The following TYW1 variants were observed in gnomAD, a reference collection of about 807,000 sequenced individuals.
TYW1 encodes the protein S-adenosyl-L-methionine-dependent tRNA 4-demethylwyosine synthase TYW1.
In TYW1, 46 loss-of-function variants were observed where a neutral mutation model predicts 96.2. That is an observed-to-expected ratio of 0.48 (90% CI 0.38 to 0.61). TYW1 has a LOEUF of 0.61. Among genes scored for constraint, TYW1 ranks in the 20% least tolerant of loss-of-function variants. The pLI is 0.00. For synonymous variants in TYW1, 274 were observed against 323.0 expected, an observed-to-expected ratio of 0.85 and a Z score of 1.63; for missense variants, 684 against 909.6, an observed-to-expected ratio of 0.75 and a Z score of 3.19.
chr7:67,177,999 A>AG (rs386410327), intron 13 of TYW1, among the ~76,000 whole-genome samples: 3 of 131,172 alleles, frequency 2.3e-5, no homozygotes, highest in African/African-American at 9.5e-5. Context: ...ACAGAAAAAA[A>AG]AAAAGAAAAA....
At chr7:67,122,081 T>C (rs906085301) in intron 13 of TYW1, among the ~76,000 whole-genome samples, 21 of 151,978 alleles carry the variant, frequency 1.4e-4, no homozygotes, top group Non-Finnish European at 1.9e-4. Flanking sequence ...TGTGACCAGA[T>C]GTGTTTCTGC....
At chr7:67,044,244 G>A (rs79453891) in intron 7 of TYW1, among the ~76,000 whole-genome samples, 6,033 of 151,008 alleles carry the variant, frequency 0.04, 179 homozygotes, top group Middle Eastern at 0.1. Flanking sequence ...GACCACAAGC[G>A]CATGCCACCA....
chr7:67,087,103 G>A (rs1203561915), intron 11 of TYW1, among the ~76,000 whole-genome samples: 1 of 152,204 alleles, frequency 6.6e-6, no homozygotes, highest in Non-Finnish European at 1.5e-5. Context: ...ATGACGATCT[G>A]AGTTTGGATA....
At chr7:67,236,417 A>C (rs1213544672) in intron 15 of TYW1, among the ~76,000 whole-genome samples, 1 of 152,238 alleles carries the variant, frequency 6.6e-6, no homozygotes, top group Admixed American at 6.5e-5. Flanking sequence ...AAGTCACGCC[A>C]CTGGCAGCAG....
At chr7:67,149,540 A>G (rs1386276215) in intron 13 of TYW1, among the ~76,000 whole-genome samples, 2 of 150,968 alleles carry the variant, frequency 1.3e-5, no homozygotes, top group Non-Finnish European at 1.5e-5. Context: ...ATATTCAGCC[A>G]TTTGCACCTT....
intron 13 of TYW1, among the ~76,000 whole-genome samples, chr7:67,155,436 G>A (rs554880622): frequency 5.9e-5 from 9 of 152,222 alleles, no homozygotes; most frequent in African/African-American, 1.4e-4. Flanking sequence ...ACCTTCCACC[G>A]TGAGTGTATG....
chr7:67,168,954 C>T (rs989780379), intron 13 of TYW1, among the ~76,000 whole-genome samples: 8 of 152,058 alleles, frequency 5.3e-5, no homozygotes, highest in South Asian at 2.1e-4. Flanking sequence ...TTAGGTGATC[C>T]GCCCACCTCG....
At chr7:67,040,536 G>T (rs1273881046) in intron 7 of TYW1, among the ~76,000 whole-genome samples, 1 of 151,896 alleles carries the variant, frequency 6.6e-6, no homozygotes, top group Non-Finnish European at 1.5e-5. Context: ...TTTCTACCAG[G>T]TTAAGCTTTA....
chr7:67,057,673 G>A (rs1014111381), intron 9 of TYW1, among the ~76,000 whole-genome samples: 6 of 151,894 alleles, frequency 4.0e-5, no homozygotes, highest in African/African-American at 1.5e-4. Flanking sequence ...GCCCAGCCAA[G>A]AACATCTTGT....
At chr7:67,167,782 T>C (rs1468497058) in intron 13 of TYW1, among the ~76,000 whole-genome samples, 1 of 151,854 alleles carries the variant, frequency 6.6e-6, no homozygotes, top group East Asian at 1.9e-4. Context: ...TGAGACAGAG[T>C]CTCACTCTGT....
intron 14 of TYW1, among the ~76,000 whole-genome samples, chr7:67,188,896 T>A (rs1800113417): frequency 6.6e-6 from 1 of 152,208 alleles, no homozygotes; most frequent in African/African-American, 2.4e-5. Flanking sequence ...GAGTTGCTTA[T>A]CTTTTTGTTA....
intron 12 of TYW1, among the ~76,000 whole-genome samples, chr7:67,105,139 G>A (rs1797197176): frequency 6.6e-6 from 1 of 152,236 alleles, no homozygotes; most frequent in Non-Finnish European, 1.5e-5. Context: ...TATCACATTT[G>A]CTCACTTCCC....
At chr7:67,146,476 A>AAACG (rs1271742118) in intron 13 of TYW1, among the ~76,000 whole-genome samples, 1 of 92,984 alleles carries the variant, frequency 1.1e-5, no homozygotes, top group African/African-American at 5.3e-5. Flanking sequence ...GATGAAAAAT[A>AAACG]AAAATATAAC....
At chr7:67,014,271 T>G (rs1289547471) in intron 4 of TYW1, 96 bp from the exon 5 acceptor site, 1 of 1,470,908 alleles carries the variant, frequency 6.8e-7, no homozygotes, top group Non-Finnish European at 9.1e-7. Context: ...GTGCCCTTTG[T>G]TCTTTGAGAT....
rs1334698181 is a variant in TYW1, at chr7:67,219,142, C to A, written c.1978-19166C>A. On this transcript the variant is annotated intron_variant, in intron 15 of 15. Transcript: ENST00000359626. ...CGAAAGGGTGTTGTTTTGTCAGATG[C>A]CTTTCCTGCATTAATTGAGATGATC... Among the ~76,000 whole-genome samples the A allele has an allele frequency of 3.3e-5, 5 of 152,132 alleles. No homozygotes were observed. The East Asian group carries it at 9.6e-4, about 29-fold the overall frequency.
chr7:67,063,697 A>T (rs1197622348), intron 9 of TYW1, among the ~76,000 whole-genome samples: 2 of 151,756 alleles, frequency 1.3e-5, no homozygotes, highest in African/African-American at 4.8e-5. Context: ...TCCGCCTTCC[A>T]GGTTCCCGTC....
intron 12 of TYW1, among the ~76,000 whole-genome samples, chr7:67,116,911 T>TA (rs1797613682): frequency 6.6e-6 from 1 of 152,200 alleles, no homozygotes; most frequent in African/African-American, 2.4e-5. Flanking sequence ...CTGCACTACT[T>TA]AAAGTTCCCC....
At chr7:67,074,959 G>T (rs1796157554) in intron 10 of TYW1, among the ~76,000 whole-genome samples, 1 of 151,948 alleles carries the variant, frequency 6.6e-6, no homozygotes, top group Non-Finnish European at 1.5e-5. Context: ...CAGCCTTCCT[G>T]GGACTAAAGA....
Position 67,175,879 on chromosome 7 carries a change from C to T in TYW1, c.1699-7247C>T, listed in dbSNP as rs1236945272. On this transcript the variant is annotated intron_variant, in intron 13 of 15. Transcript: ENST00000359626. ...ACAAGCATACCCACTATATTTATCACCACTTCCATTTAACATGGAATCAAA... is the reference window on the plus strand; with the variant it reads ...ACAAGCATACCCACTATATTTATCATCACTTCCATTTAACATGGAATCAAA... Among the ~76,000 whole-genome samples, 9 of 152,236 alleles carry T rather than the reference C, an allele frequency of 5.9e-5. No individual in the cohort carries two copies. In the East Asian group the frequency reaches 1.2e-3, roughly 20 times the overall value.
Sources: allele counts gnomAD v4.1 joint callset (sites outside exome capture counted in the v4.1 genomes callset), GRCh38; gene constraint gnomAD v4.1.1; transcripts MANE v1.5; gene names NCBI Gene and HGNC (gene_info 2026-07-23, HGNC 2026-07-21).